The following AGXT2 variants were observed in gnomAD, a reference collection of about 807,000 sequenced individuals.
The protein encoded by AGXT2 is alanine--glyoxylate aminotransferase 2, mitochondrial.
AGXT2 carries 61 observed loss-of-function variants against 62.5 expected under a neutral mutation model. The ratio of observed to expected loss-of-function variants is 0.98; its 90% CI spans 0.79 to 1.21. AGXT2 has a LOEUF of 1.21. Ranked by LOEUF, AGXT2 falls within the 50% of genes most tolerant of loss-of-function variation. The pLI, the probability that AGXT2 is intolerant of heterozygous loss-of-function variation, is 0.00. For missense variants in AGXT2, 666 were observed against 641.5 expected (o/e 1.04, Z -0.41); for synonymous variants, 243 against 218.7 (o/e 1.11, Z -0.98).
intron 13 of AGXT2, 89 bp downstream of exon 13, chr5:35,003,674 T>C: frequency 7.7e-7 from 1 of 1,302,076 alleles, no homozygotes; most frequent in Non-Finnish European, 1.1e-6. Flanking sequence ...TTAGGACATC[T>C]TCACAGCTGT....
chr5:35,015,559 G>A (rs115076816), intron 9 of AGXT2, among the ~76,000 whole-genome samples: 12 of 152,166 alleles, frequency 7.9e-5, no homozygotes, highest in African/African-American at 2.9e-4. Flanking sequence ...TTAAAAGAGT[G>A]AGCTTCCAGG....
chr5:35,001,528 T>G (rs965838609), intron 13 of AGXT2, among the ~76,000 whole-genome samples: 25 of 152,260 alleles, frequency 1.6e-4, no homozygotes, highest in Non-Finnish European at 3.1e-4. Flanking sequence ...GTGTGTCTTT[T>G]CCTTTATCTG....
At chr5:35,046,620 A>G (rs1418550461) in intron 1 of AGXT2, among the ~76,000 whole-genome samples, 1 of 152,246 alleles carries the variant, frequency 6.6e-6, no homozygotes, top group Non-Finnish European at 1.5e-5. Flanking sequence ...TGAAGATAAA[A>G]GGAGATAATG....
intron 1 of AGXT2, among the ~76,000 whole-genome samples, chr5:35,041,134 T>C (rs981678003): frequency 7.5e-5 from 11 of 146,020 alleles, no homozygotes; most frequent in Non-Finnish European, 1.2e-4. Flanking sequence ...TGACTATTCT[T>C]GTAGGGAATG....
chr5:35,026,314 C>T, intron 8 of AGXT2, 96 bp downstream of exon 8: 1 of 976,896 alleles, frequency 1.0e-6, no homozygotes. Flanking sequence ...ACACAGTGAG[C>T]ACTTAATTCA....
intron 9 of AGXT2, among the ~76,000 whole-genome samples, chr5:35,023,044 A>G (rs949820783): frequency 6.6e-6 from 1 of 151,100 alleles, no homozygotes; most frequent in Admixed American, 6.6e-5. Context: ...TTACAAAACT[A>G]TTTTCAATTT....
At chr5:35,023,781 G>A (rs1463819523) in intron 9 of AGXT2, among the ~76,000 whole-genome samples, 1 of 152,146 alleles carries the variant, frequency 6.6e-6, no homozygotes, top group African/African-American at 2.4e-5. Context: ...CAATACACCT[G>A]GGCATAACAG....
At chr5:35,010,361 T>A (rs562373283) in intron 11 of AGXT2, among the ~76,000 whole-genome samples, 1 of 152,240 alleles carries the variant, frequency 6.6e-6, no homozygotes, top group East Asian at 1.9e-4. Flanking sequence ...CCCAACTCCC[T>A]CACCTTCAGA....
intron 10 of AGXT2, among the ~76,000 whole-genome samples, chr5:35,013,619 TA>T (rs1766728308): frequency 6.6e-6 from 1 of 152,104 alleles, no homozygotes; most frequent in Non-Finnish European, 1.5e-5. Context: ...CCGTTTCTAC[TA>T]AAAATACAAA....
chr5:35,044,098 G>T (rs1325250716), intron 1 of AGXT2, among the ~76,000 whole-genome samples: 1 of 152,188 alleles, frequency 6.6e-6, no homozygotes, highest in Non-Finnish European at 1.5e-5. Flanking sequence ...AACGAGTTAG[G>T]AAAGGAAGAT....
chr5:35,004,769 C>T (rs990986750), intron 12 of AGXT2, among the ~76,000 whole-genome samples: 2 of 152,106 alleles, frequency 1.3e-5, no homozygotes, highest in African/African-American at 4.8e-5. Flanking sequence ...CTCTAGTGTG[C>T]CCAGTTTCAT....
chr5:35,036,969 A>C lies in AGXT2; in HGVS notation c.459T>G (p.Leu153=). The C allele has an allele frequency of 6.2e-7, 1 of 1,614,164 alleles. No individual in the cohort carries two copies. Among genetic ancestry groups the C allele is most frequent in the Non-Finnish European group, 8.5e-7 (1 of 1,180,006 alleles). ...TAAGAGGCTCAGGAAGAAGTGCGGC[A>C]AGCTTCTCTGCATATTCATGCATTG... is the stretch of plus-strand genomic sequence containing the variant. ...HPPMHEYAEK[L]AALLPEPLKV... Residue 153 remains leucine (L), a synonymous_variant, in exon 4 of 14, where the codon CTT becomes CTG. Coordinates refer to ENST00000231420, the MANE Select transcript of AGXT2 (RefSeq NM_031900.4).
chr5:35,044,203 A>G (rs1768097652), intron 1 of AGXT2, among the ~76,000 whole-genome samples: 1 of 152,192 alleles, frequency 6.6e-6, no homozygotes, highest in African/African-American at 2.4e-5. Flanking sequence ...CGTTTGAGAC[A>G]CTGCCTCCCA....
At chr5:35,001,852 G>T (rs1341649220) in intron 13 of AGXT2, among the ~76,000 whole-genome samples, 1 of 152,084 alleles carries the variant, frequency 6.6e-6, no homozygotes. Flanking sequence ...AATATTTATA[G>T]ATGAGCTTAC....
intron 8 of AGXT2, chr5:35,026,162 C>T: frequency 1.7e-6 from 1 of 597,580 alleles, no homozygotes; most frequent in Non-Finnish European, 2.9e-6. Context: ...TAAAAATGGC[C>T]AGGGTTTCCT....
rs145736931 is a variant in AGXT2, at chr5:35,043,290, C to T, written c.89-2627G>A. On this transcript the variant is annotated intron_variant, in intron 1 of 13. Transcript: ENST00000231420. ...GCCCAGAGGGAGTATTTATTAAGGG[C>T]TTCCTCACCCTTTAAAATGAAAAAA... 3.7e-4 allele frequency among the ~76,000 whole-genome samples: 56 copies of T among 152,240 alleles called. 1 individual carries two copies. Among genetic ancestry groups the T allele is most frequent in the African/African-American group, 1.2e-3 (49 of 41,538 alleles).
chr5:35,040,471 A>C, intron 2 of AGXT2, 104 bp downstream of exon 2: 1 of 1,043,822 alleles, frequency 9.6e-7, no homozygotes, highest in Non-Finnish European at 1.5e-6. Context: ...GAGGTAGTTT[A>C]GTGGCAAGCA....
In AGXT2 at chr5:34,998,104, C is replaced by T. The variant is rs1265953375; in HGVS notation, c.*615G>A. The T allele has an allele frequency of 1.3e-5, 2 of 154,774 alleles. No individual in the cohort carries two copies. The highest frequency in any genetic ancestry group is 4.8e-5 in the African/African-American group (2 of 41,348). 9.6% of individuals were successfully genotyped at this position (154,774 alleles called of 1,614,324 possible). ...CAGTGAAAAATAAAAAAGCCTTATA[C>T]AGAACAATGAATTTATTACCTCAAA... On this transcript the variant is annotated 3_prime_UTR_variant, in exon 14 of 14. Coordinates refer to ENST00000231420, the MANE Select transcript of AGXT2 (RefSeq NM_031900.4).
chr5:35,045,764 C>CTTTTTTTTTTTTTT (rs1255749919), intron 1 of AGXT2, among the ~76,000 whole-genome samples: 129 of 99,066 alleles, frequency 1.3e-3, no homozygotes, highest in African/African-American at 1.6e-3. Context: ...TTTCTTTTTT[C>CTTTTTTTTTTTTTT]TTTTTTTTTT....
Sources: gnomAD v4.1 joint callset for allele counts (sites outside exome capture counted in the v4.1 genomes callset) on GRCh38, gnomAD v4.1.1 for gene constraint, MANE v1.5 for transcripts, NCBI Gene and HGNC (gene_info 2026-07-23, HGNC 2026-07-21) for gene names.